FHOD3: variants seen among roughly 807,000 people sequenced by gnomAD.
FHOD3 encodes formin homology 2 domain containing 3, also known as FH1/FH2 domain-containing protein 3.
FHOD3 carries 90 observed loss-of-function variants against 173.0 expected under a neutral mutation model. The observed-to-expected ratio is 0.52, with a 90% CI of 0.44 to 0.62. FHOD3 has a LOEUF of 0.62. Among genes scored for constraint, FHOD3 ranks in the 20% least tolerant of loss-of-function variants. The probability of loss-of-function intolerance (pLI) is 0.00; values close to 1 mark genes in which losing one functional copy is unlikely to be tolerated. For synonymous variants in FHOD3, 828 were observed against 823.0 expected, an observed-to-expected ratio of 1.01 and a Z score of -0.10; for missense variants, 1,945 against 2,034.7, an observed-to-expected ratio of 0.96 and a Z score of 0.85.
At chr18:36,351,195 G>A (rs895353022) in intron 1 of FHOD3, among the ~76,000 whole-genome samples, 1 of 152,158 alleles carries the variant, frequency 6.6e-6, no homozygotes, top group African/African-American at 2.4e-5. Flanking sequence ...TAGCCCCGCT[G>A]TGAGGACTCC....
rs576703830 is a variant in FHOD3, at chr18:36,622,990, C to T, written c.958-2521C>T. On this transcript the variant is annotated intron_variant, in intron 9 of 28. Coordinates refer to ENST00000590592, the MANE Select transcript of FHOD3 (RefSeq NM_001281740.3). The stretch of plus-strand genomic sequence containing the variant: ...AGCATGAGGCTACCCTTGGGTCTAC[C>T]AAGATTCTGTGGCCCATTTGCTCCC... Among the ~76,000 whole-genome samples the T allele has an allele frequency of 3.9e-5, 6 of 152,322 alleles. No homozygotes were observed. In the South Asian group the frequency reaches 1.2e-3, roughly 32 times the overall value.
intron 3 of FHOD3, among the ~76,000 whole-genome samples, chr18:36,390,908 A>G (rs1035116145): frequency 3.3e-5 from 5 of 152,178 alleles, no homozygotes; most frequent in African/African-American, 7.2e-5. Context: ...AATGAATCCA[A>G]CCTGGAAAGA....
At chr18:36,716,950 G>A (rs890133539) in intron 18 of FHOD3, among the ~76,000 whole-genome samples, 2 of 150,540 alleles carry the variant, frequency 1.3e-5, no homozygotes, top group Non-Finnish European at 2.9e-5. Context: ...GTGTGTGTGT[G>A]TGTATGTGTT....
intron 13 of FHOD3, among the ~76,000 whole-genome samples, chr18:36,656,697 CTG>C (rs1483988520): frequency 6.6e-6 from 1 of 152,130 alleles, no homozygotes; most frequent in Non-Finnish European, 1.5e-5. Context: ...TGTGATCAAA[CTG>C]TGTATATTAT....
chr18:36,390,034 A>G (rs539808920), intron 3 of FHOD3, among the ~76,000 whole-genome samples: 1 of 152,236 alleles, frequency 6.6e-6, no homozygotes, highest in South Asian at 2.1e-4. Context: ...CTGTTTTCCC[A>G]TCTGCTTCTA....
intron 5 of FHOD3, among the ~76,000 whole-genome samples, chr18:36,559,538 C>T (rs2147600174): frequency 6.6e-6 from 1 of 152,328 alleles, no homozygotes; most frequent in East Asian, 1.9e-4. Flanking sequence ...TTCCATACCC[C>T]TCTGCACTAC....
chr18:36,419,851 T>G (rs1599042831), intron 3 of FHOD3, among the ~76,000 whole-genome samples: 1 of 152,034 alleles, frequency 6.6e-6, no homozygotes, highest in African/African-American at 2.4e-5. Context: ...TCAAGAAGAG[T>G]AGATCCTTGA....
At chr18:36,314,553 G>C (rs903467136) in intron 1 of FHOD3, among the ~76,000 whole-genome samples, 3 of 152,176 alleles carry the variant, frequency 2.0e-5, no homozygotes, top group African/African-American at 7.2e-5. Flanking sequence ...AGGAACAATG[G>C]GAGGGGAACA....
At chr18:36,547,592 C>T (rs778394867) in intron 5 of FHOD3, among the ~76,000 whole-genome samples, 8 of 152,148 alleles carry the variant, frequency 5.3e-5, no homozygotes, top group Admixed American at 1.3e-4. Context: ...ATTTTAAAAC[C>T]AAGGACAAGG....
At chr18:36,549,295 T>C (rs747782250) in intron 5 of FHOD3, among the ~76,000 whole-genome samples, 5 of 152,200 alleles carry the variant, frequency 3.3e-5, no homozygotes, top group Non-Finnish European at 5.9e-5. Context: ...TTTGATATTA[T>C]TGTTTTTTAA....
rs2038673217 is a variant in FHOD3 at position 36,687,155 on chromosome 18, G to A, written c.1998G>A (p.Glu666=). The A allele has an allele frequency of 6.2e-7, 1 of 1,611,310 alleles. No homozygotes were observed. The highest frequency in any genetic ancestry group is 8.5e-7 in the Non-Finnish European group (1 of 1,177,982). ...GAGATTATTTAGACAAAAGAGAGGAGCAAAGGCAAGCAAGAGAAGAAAGGT... is the reference window on the plus strand; with the variant it reads ...GAGATTATTTAGACAAAAGAGAGGAACAAAGGCAAGCAAGAGAAGAAAGGT... ...FSRDYLDKRE[E]QRQAREERYK... is the part of the protein sequence containing the mutation. The change falls in exon 16 of 29, where the codon GAG becomes GAA. Residue 666 remains glutamate (E), a synonymous_variant. Coordinates refer to ENST00000590592, the MANE Select transcript of FHOD3 (RefSeq NM_001281740.3).
At chr18:36,440,961 T>G (rs1457593545) in intron 3 of FHOD3, among the ~76,000 whole-genome samples, 1 of 152,146 alleles carries the variant, frequency 6.6e-6, no homozygotes, top group African/African-American at 2.4e-5. Context: ...TTGGATAAGC[T>G]TTTGCAATTG....
At chr18:36,741,243 T>C (rs1269183590) in intron 21 of FHOD3, among the ~76,000 whole-genome samples, 1 of 152,202 alleles carries the variant, frequency 6.6e-6, no homozygotes, top group African/African-American at 2.4e-5. Context: ...TCTTTTTATG[T>C]TGCCTATTGC....
In FHOD3 at chr18:36,743,566, A is replaced by G. The variant is rs528051830; in HGVS notation, c.3880-466A>G. Among the ~76,000 whole-genome samples the G allele has an allele frequency of 2.6e-5, 4 of 152,240 alleles. No individual in the cohort carries two copies. The East Asian group carries it at 7.7e-4, about 29-fold the overall frequency. On this transcript the variant is annotated intron_variant, in intron 22 of 28. Transcript: ENST00000590592. Reference sequence around the variant, plus strand: ...ATCTTTTTTTTAAGTTCTGGGGTACATTTGCAAGATATACAGGTTTGTTAC... The same window carrying G: ...ATCTTTTTTTTAAGTTCTGGGGTACGTTTGCAAGATATACAGGTTTGTTAC...
chr18:36,416,804 C>G (rs12960996), intron 3 of FHOD3, among the ~76,000 whole-genome samples: 3 of 151,990 alleles, frequency 2.0e-5, no homozygotes, highest in South Asian at 2.1e-4. Flanking sequence ...AAAGCCAGCC[C>G]CTGCTCCCTT....
intron 3 of FHOD3, among the ~76,000 whole-genome samples, chr18:36,437,499 C>G (rs892174365): frequency 6.6e-6 from 1 of 152,012 alleles, no homozygotes; most frequent in Non-Finnish European, 1.5e-5. Flanking sequence ...TGTATTGAGT[C>G]TAATGTTAAA....
intron 18 of FHOD3, among the ~76,000 whole-genome samples, chr18:36,715,563 T>G (rs1229019856): frequency 6.6e-6 from 1 of 152,208 alleles, no homozygotes; most frequent in Non-Finnish European, 1.5e-5. Context: ...TTCATTCAGT[T>G]GTCCAGATGT....
chr18:36,752,047 G>A (rs1568730313), intron 24 of FHOD3, among the ~76,000 whole-genome samples: 2 of 152,124 alleles, frequency 1.3e-5, no homozygotes, highest in Non-Finnish European at 2.9e-5. Flanking sequence ...AACCAAACAC[G>A]TCCTTCTTCA....
intron 3 of FHOD3, among the ~76,000 whole-genome samples, chr18:36,417,789 T>C (rs917940681): frequency 1.3e-5 from 2 of 152,220 alleles, no homozygotes; most frequent in African/African-American, 4.8e-5. Flanking sequence ...CCTCCCCAGA[T>C]ATTTGAAAAA....
Sources: allele counts gnomAD v4.1 joint callset (sites outside exome capture counted in the v4.1 genomes callset), GRCh38; gene constraint gnomAD v4.1.1; transcripts MANE v1.5; gene names NCBI Gene and HGNC (gene_info 2026-07-23, HGNC 2026-07-21).